Variants in ROBO2 observed in about 807,000 individuals in gnomAD.
ROBO2 encodes the protein roundabout guidance receptor 2, also known as roundabout homolog 2.
In ROBO2, 53 loss-of-function variants were observed where a neutral mutation model predicts 160.8. That is an observed-to-expected ratio of 0.33 (90% confidence interval 0.26 to 0.41). The LOEUF is 0.41. Ranked by LOEUF, ROBO2 falls within the 10% of genes least tolerant of loss-of-function variation. The probability of loss-of-function intolerance (pLI) is 1.00; values close to 1 mark genes in which losing one functional copy is unlikely to be tolerated. For missense variants in ROBO2, 1,577 were observed against 1,722.4 expected (o/e 0.92, Z 1.49); for synonymous variants, 664 against 611.7 (o/e 1.09, Z -1.26).
At chr3:76,760,032 G>A (rs992334294) in intron 2 of ROBO2, among the ~76,000 whole-genome samples, 1 of 151,694 alleles carries the variant, frequency 6.6e-6, no homozygotes, top group Non-Finnish European at 1.5e-5. Context: ...AGGATGGAAG[G>A]AAATTGATGA....
chr3:76,208,224 C>T (rs1019081927), intron 2 of ROBO2, among the ~76,000 whole-genome samples: 8 of 152,122 alleles, frequency 5.3e-5, no homozygotes, highest in East Asian at 3.9e-4. Flanking sequence ...TATAGTGGTG[C>T]GAGGATGGAC....
chr3:76,535,975 G>C (rs75544485), intron 2 of ROBO2, among the ~76,000 whole-genome samples: 10,324 of 152,212 alleles, frequency 0.068, 474 homozygotes, highest in Middle Eastern at 0.11. Context: ...GGAGCTCCAG[G>C]GGCCCTAGAA....
At chr3:76,230,938 C>T (rs1704584640) in intron 2 of ROBO2, among the ~76,000 whole-genome samples, 1 of 152,114 alleles carries the variant, frequency 6.6e-6, no homozygotes, top group African/African-American at 2.4e-5. Context: ...AGGCAGAGAT[C>T]AGGGTAATGA....
intron 23 of ROBO2, chr3:77,632,661 GT>G: frequency 6.5e-7 from 1 of 1,532,156 alleles, no homozygotes; most frequent in Non-Finnish European, 8.7e-7. Flanking sequence ...GAACAGGTTG[GT>G]AGACTCCAAG....
chr3:76,622,282 GAAAGAAAGAAA>G (rs2089255686), intron 2 of ROBO2, among the ~76,000 whole-genome samples: 1 of 89,694 alleles, frequency 1.1e-5, no homozygotes, highest in African/African-American at 4.4e-5. Flanking sequence ...AAGAAAGAAA[GAAAGAAAGAAA>G]GAAAGAAAGA....
intron 2 of ROBO2, among the ~76,000 whole-genome samples, chr3:77,415,816 C>T (rs575485461): frequency 6.6e-6 from 1 of 152,018 alleles, no homozygotes; most frequent in Non-Finnish European, 1.5e-5. Context: ...AGGTTTGAGC[C>T]CCCAAGAAAT....
intron 2 of ROBO2, among the ~76,000 whole-genome samples, chr3:76,759,913 G>T (rs2061205835): frequency 6.6e-6 from 1 of 151,766 alleles, no homozygotes; most frequent in Non-Finnish European, 1.5e-5. Flanking sequence ...GGTTTACTCA[G>T]GCTGTCATAA....
intron 2 of ROBO2, among the ~76,000 whole-genome samples, chr3:77,217,024 G>A (rs1426476615): frequency 6.6e-6 from 1 of 152,096 alleles, no homozygotes; most frequent in African/African-American, 2.4e-5. Flanking sequence ...ACAGGACAGA[G>A]CTTGTCAAGG....
chr3:76,053,414 T>C (rs1243220605), intron 2 of ROBO2, among the ~76,000 whole-genome samples: 1 of 152,016 alleles, frequency 6.6e-6, no homozygotes, highest in Non-Finnish European at 1.5e-5. Flanking sequence ...TTCTTTTTCT[T>C]TCATTTCAAA....
At chr3:77,589,232 AC>A (rs2094126967) in intron 17 of ROBO2, among the ~76,000 whole-genome samples, 1 of 152,112 alleles carries the variant, frequency 6.6e-6, no homozygotes, top group Non-Finnish European at 1.5e-5. Flanking sequence ...ACACACACAC[AC>A]ACACACATGC....
chr3:76,363,536 AATGGATTC>A (rs2108411740), intron 2 of ROBO2, among the ~76,000 whole-genome samples: 1 of 152,226 alleles, frequency 6.6e-6, no homozygotes, highest in East Asian at 1.9e-4. Context: ...TCGTGTTTTG[AATGGATTC>A]TGCTCCTAGT....
At chr3:76,490,328 T>G (rs577960443) in intron 2 of ROBO2, among the ~76,000 whole-genome samples, 1 of 152,348 alleles carries the variant, frequency 6.6e-6, no homozygotes, top group African/African-American at 2.4e-5. Context: ...ATGTTGAACA[T>G]TTTTGGCAGA....
chr3:76,657,159 C>T (rs2091570975), intron 2 of ROBO2, among the ~76,000 whole-genome samples: 2 of 152,006 alleles, frequency 1.3e-5, no homozygotes, highest in Non-Finnish European at 2.9e-5. Context: ...GGCGCGGTGG[C>T]TCACGCCTGT....
At chr3:76,004,088 G>T (rs1013432398) in intron 2 of ROBO2, among the ~76,000 whole-genome samples, 1 of 152,078 alleles carries the variant, frequency 6.6e-6, no homozygotes, top group African/African-American at 2.4e-5. Context: ...TTCATCCAGG[G>T]ACCCATTTGC....
At chr3:76,008,056 A>AAACCCC (rs1469227328) in intron 2 of ROBO2, among the ~76,000 whole-genome samples, 1 of 151,958 alleles carries the variant, frequency 6.6e-6, no homozygotes, top group Non-Finnish European at 1.5e-5. Context: ...CAACATGGTG[A>AAACCCC]AACCCCAACT....
intron 1 of ROBO2, among the ~76,000 whole-genome samples, chr3:75,923,992 A>G (rs1387099917): frequency 2.6e-5 from 4 of 152,276 alleles, no homozygotes; most frequent in Non-Finnish European, 4.4e-5. Context: ...TATCTGGAAT[A>G]TACCAAAACT....
intron 2 of ROBO2, among the ~76,000 whole-genome samples, chr3:77,422,677 C>G (rs1352036342): frequency 1.3e-5 from 2 of 152,150 alleles, no homozygotes; most frequent in East Asian, 3.9e-4. Flanking sequence ...TATTTGACCT[C>G]CCCTGGTTGG....
chr3:77,382,332 A>G (rs1454806005), intron 2 of ROBO2, among the ~76,000 whole-genome samples: 2 of 145,724 alleles, frequency 1.4e-5, no homozygotes, highest in South Asian at 2.2e-4. Context: ...TTGAAATAGT[A>G]GAAAACACAT....
chr3:77,342,397 A>C (rs774488766), intron 2 of ROBO2, among the ~76,000 whole-genome samples: 1 of 152,136 alleles, frequency 6.6e-6, no homozygotes. Context: ...TAAAACAAAA[A>C]CAGACCGTCT....
Sources: allele counts gnomAD v4.1 joint callset (sites outside exome capture counted in the v4.1 genomes callset), GRCh38; gene constraint gnomAD v4.1.1; transcripts MANE v1.5; gene names NCBI Gene and HGNC (gene_info 2026-07-23, HGNC 2026-07-21).